Variants in MAPK8 observed in about 807,000 individuals in gnomAD.
MAPK8 encodes mitogen-activated protein kinase 8.
A neutral mutation model predicts 52.9 loss-of-function variants in MAPK8; 13 were observed. The ratio of observed to expected loss-of-function variants is 0.25; its 90% confidence interval spans 0.16 to 0.39. The LOEUF (loss-of-function observed/expected upper bound fraction) is 0.39, where lower values mean the gene tolerates loss of function less well. MAPK8 is among the 10% of genes least tolerant of loss of function. The probability of loss-of-function intolerance (pLI) is 1.00; values close to 1 mark genes in which losing one functional copy is unlikely to be tolerated. For synonymous variants in MAPK8, 191 were observed against 169.8 expected, an observed-to-expected ratio of 1.12 and a Z score of -0.97; for missense variants, 300 against 519.2, an observed-to-expected ratio of 0.58 and a Z score of 4.10.
chr10:48,366,207 CTT>C (rs1401775989), intron 1 of MAPK8, among the ~76,000 whole-genome samples: 1 of 151,466 alleles, frequency 6.6e-6, no homozygotes, highest in Admixed American at 6.6e-5. Context: ...AAAAAAATAA[CTT>C]TGGTGATGCA....
intron 1 of MAPK8, among the ~76,000 whole-genome samples, chr10:48,312,826 T>A (rs1463916444): frequency 6.6e-6 from 1 of 152,226 alleles, no homozygotes; most frequent in Non-Finnish European, 1.5e-5. Flanking sequence ...ATATTTTGAC[T>A]AAGTAGTAAT....
At chr10:48,344,017 C>G (rs542658856) in intron 1 of MAPK8, among the ~76,000 whole-genome samples, 1 of 152,300 alleles carries the variant, frequency 6.6e-6, no homozygotes, top group East Asian at 1.9e-4. Flanking sequence ...TTTGAATCCT[C>G]TACTGCTTAC....
intron 9 of MAPK8, chr10:48,426,821 T>G (rs966575613): frequency 2.1e-6 from 1 of 480,838 alleles, no homozygotes; most frequent in Non-Finnish European, 3.7e-6. Context: ...GAAAACAGAA[T>G]TCTGTGATCT....
chr10:48,313,411 C>T (rs1048772679), intron 1 of MAPK8, among the ~76,000 whole-genome samples: 6 of 110 alleles, frequency 0.055, no homozygotes, highest in Admixed American at 0.21. Context: ...CCAGCCTGGG[C>T]GGCAGAGGTG....
chr10:48,427,806 A>C (rs1302315481), intron 10 of MAPK8, among the ~76,000 whole-genome samples: 1 of 152,164 alleles, frequency 6.6e-6, no homozygotes, highest in Non-Finnish European at 1.5e-5. Flanking sequence ...GATATCTGGA[A>C]GGTTATTCTC....
intron 1 of MAPK8, among the ~76,000 whole-genome samples, chr10:48,384,243 C>G (rs973919530): frequency 5.9e-5 from 9 of 152,038 alleles, no homozygotes; most frequent in Non-Finnish European, 4.4e-5. Flanking sequence ...CAGAGCGAGA[C>G]AGTCTCAAAA....
chr10:48,325,934 G>A (rs2132201821), intron 1 of MAPK8: 1 of 152,298 alleles, frequency 6.6e-6, no homozygotes, highest in Admixed American at 6.5e-5. Flanking sequence ...AATCACAGAG[G>A]TAAAGCATCA....
chr10:48,395,668 G>T (rs2041851338), intron 1 of MAPK8, among the ~76,000 whole-genome samples: 4 of 151,912 alleles, frequency 2.6e-5, no homozygotes, highest in African/African-American at 9.7e-5. Context: ...GAATTATGAA[G>T]TAACTGGAAA....
At position 48,360,320 on chromosome 10, in the gene MAPK8, G is replaced by A. The variant is rs571407465; in HGVS notation, c.-49-41292G>A. Among the ~76,000 whole-genome samples, 8 of 152,316 alleles carry A rather than the reference G, an allele frequency of 5.3e-5. No homozygotes were observed. In the South Asian group the frequency reaches 1.0e-3, roughly 20 times the overall value. On this transcript the variant is annotated intron_variant, in intron 1 of 11. Coordinates refer to ENST00000374189, the MANE Select transcript of MAPK8 (RefSeq NM_001323329.2). ...CAGACTAAAACCAAGTGAGATATTA[G>A]TTACATTTAAAAGTCTGTCAATTCC...
intron 1 of MAPK8, among the ~76,000 whole-genome samples, chr10:48,374,897 A>C (rs537078751): frequency 1.6e-4 from 25 of 152,132 alleles, no homozygotes; most frequent in Non-Finnish European, 3.4e-4. Context: ...ATGAGGCCAG[A>C]ATCATCCTGA....
intron 1 of MAPK8, among the ~76,000 whole-genome samples, chr10:48,342,206 C>T (rs551323882): frequency 3.3e-5 from 5 of 152,268 alleles, no homozygotes; most frequent in African/African-American, 9.6e-5. Context: ...CAGGCTCAAG[C>T]GATTCTCCCA....
intron 1 of MAPK8, among the ~76,000 whole-genome samples, chr10:48,346,102 T>G (rs1845746855): frequency 6.6e-6 from 1 of 152,148 alleles, no homozygotes; most frequent in Non-Finnish European, 1.5e-5. Flanking sequence ...CACCCCCAAG[T>G]TCTTTGGTAT....
intron 7 of MAPK8, 30 bp from the exon 8 acceptor site, chr10:48,425,858 G>A: frequency 3.0e-6 from 2 of 676,604 alleles, no homozygotes; most frequent in South Asian, 2.0e-5. Flanking sequence ...CATTAGTTAT[G>A]GAGTATTTTT....
chr10:48,321,094 T>TTG (rs1336622171), intron 1 of MAPK8, among the ~76,000 whole-genome samples: 1 of 148,586 alleles, frequency 6.7e-6, no homozygotes, highest in East Asian at 1.9e-4. Context: ...TAAGAGTTTT[T>TTG]TTTTTTTTTT....
intron 9 of MAPK8, chr10:48,426,739 A>G (rs2043707352): frequency 2.0e-6 from 1 of 512,818 alleles, no homozygotes; most frequent in African/African-American, 2.0e-5. Flanking sequence ...ATACCTAACC[A>G]GAGAACTAGG....
At chr10:48,381,273 T>A (rs2040986148) in intron 1 of MAPK8, among the ~76,000 whole-genome samples, 2 of 152,214 alleles carry the variant, frequency 1.3e-5, no homozygotes, top group Admixed American at 6.5e-5. Flanking sequence ...CTCCAACTTT[T>A]TAGTTTTAGC....
At chr10:48,348,691 C>A (rs568324374) in intron 1 of MAPK8, among the ~76,000 whole-genome samples, 1 of 152,014 alleles carries the variant, frequency 6.6e-6, no homozygotes, top group East Asian at 1.9e-4. Context: ...AAGATCAGAT[C>A]GTTGTAGATG....
chr10:48,309,289 C>A (rs1296043782), intron 1 of MAPK8, among the ~76,000 whole-genome samples: 1 of 152,222 alleles, frequency 6.6e-6, no homozygotes, highest in African/African-American at 2.4e-5. Flanking sequence ...AATTCCAGAA[C>A]ATTGTCATCA....
intron 1 of MAPK8, among the ~76,000 whole-genome samples, chr10:48,325,581 A>G (rs187133711): frequency 1.3e-5 from 2 of 152,344 alleles, no homozygotes; most frequent in Admixed American, 1.3e-4. Context: ...TACAGTTTCC[A>G]TATACCCCAG....
Sources: gnomAD v4.1 joint callset for allele counts (sites outside exome capture counted in the v4.1 genomes callset) on GRCh38, gnomAD v4.1.1 for gene constraint, MANE v1.5 for transcripts, NCBI Gene and HGNC (gene_info 2026-07-23, HGNC 2026-07-21) for gene names.